Variants in TC2N observed in about 807,000 individuals in gnomAD.
The protein encoded by TC2N is tandem C2 domains nuclear protein.
A neutral mutation model predicts 61.9 loss-of-function variants in TC2N; 51 were observed. The observed-to-expected ratio is 0.82, with a 90% CI of 0.66 to 1.04. The LOEUF (loss-of-function observed/expected upper bound fraction) is 1.04. Ranked by LOEUF, TC2N falls within the 50% of genes least tolerant of loss-of-function variation. The pLI, the probability that TC2N is intolerant of heterozygous loss-of-function variation, is 0.00. For missense variants in TC2N, 556 were observed against 566.7 expected (o/e 0.98, Z 0.19); for synonymous variants, 204 against 192.6 (o/e 1.06, Z -0.49).
intron 1 of TC2N, among the ~76,000 whole-genome samples, chr14:91,815,522 T>C (rs1038262118): frequency 6.6e-6 from 1 of 151,746 alleles, no homozygotes; most frequent in African/African-American, 2.4e-5. Flanking sequence ...AATTTCCTAT[T>C]GTCCTTGGTC....
At chr14:91,799,128 T>G (rs1886082793) in intron 5 of TC2N, 64 bp from the exon 6 acceptor site, 1 of 995,204 alleles carries the variant, frequency 1.0e-6, no homozygotes, top group African/African-American at 1.7e-5. Flanking sequence ...CTGATACATA[T>G]GCCTCAATAT....
chr14:91,791,913 G>A (rs182478419), intron 9 of TC2N, among the ~76,000 whole-genome samples: 2,295 of 152,122 alleles, frequency 0.015, 54 homozygotes, highest in African/African-American at 0.05. Flanking sequence ...TCAGGAGATC[G>A]AGACCATCCT....
chr14:91,855,972 C>G (rs186886399), intron 1 of TC2N, among the ~76,000 whole-genome samples: 6 of 152,112 alleles, frequency 3.9e-5, no homozygotes, highest in African/African-American at 1.4e-4. Context: ...TCATCTAGAT[C>G]TCAAAGGCCA....
chr14:91,854,407 AG>A (rs1800108543), intron 1 of TC2N, among the ~76,000 whole-genome samples: 1 of 124,000 alleles, frequency 8.1e-6, no homozygotes, highest in Admixed American at 9.1e-5. Context: ...GAGGAGGAGG[AG>A]GAGGAGGAGG....
At position 91,783,204 on chromosome 14, in the gene TC2N, T is replaced by C. The variant is rs766550828; in HGVS notation, c.1369A>G (p.Ile457Val). 3.6e-5 allele frequency: 57 copies of C among 1,579,434 alleles called. No individual in the cohort carries two copies. The highest frequency in any genetic ancestry group is 4.8e-5 in the Non-Finnish European group (55 of 1,150,568). Residue 457 changes from isoleucine (I) to valine (V), a missense_variant, in exon 12 of 12, where the codon ATA becomes GTA. Ile to Val is a conservative substitution (Grantham distance 29, BLOSUM62 3). Coordinates refer to ENST00000435962, the MANE Select transcript of TC2N (RefSeq NM_001128596.3). ...TCAATGTTATTACTGTCTTCACTTA[T>C]CCAAATCTGTAAAGGAAAGTATGTA... ...RRKHFVGQIW[I>V]SEDSNNIEAV... is the part of the protein sequence containing the mutation.
At position 91,862,605 on chromosome 14, in the gene TC2N, G is replaced by A. The variant is rs146992114; in HGVS notation, c.-57+4657C>T. ...AGCCTCCTGCTGCTGCAGATCAAGT[G>A]TGAGGAGCACAAGGCAACTTGGCTC... On this transcript the variant is annotated intron_variant, in intron 1 of 11. Coordinates refer to ENST00000435962, the MANE Select transcript of TC2N (RefSeq NM_001128596.3). 7.6e-3 allele frequency among the ~76,000 whole-genome samples: 1,163 copies of A among 152,310 alleles called. 11 individuals carry two copies. Among genetic ancestry groups the A allele is most frequent in the African/African-American group, 0.025 (1,046 of 41,554 alleles).
chr14:91,799,127 A>G, intron 5 of TC2N, 63 bp from the exon 6 acceptor site: 1 of 993,156 alleles, frequency 1.0e-6, no homozygotes, highest in Non-Finnish European at 1.5e-6. Context: ...TCTGATACAT[A>G]TGCCTCAATA....
intron 3 of TC2N, among the ~76,000 whole-genome samples, chr14:91,806,326 T>C (rs1886506003): frequency 6.6e-6 from 1 of 152,074 alleles, no homozygotes; most frequent in Non-Finnish European, 1.5e-5. Context: ...GGAAGCAACT[T>C]TGGAACTGAG....
At chr14:91,846,172 G>A (rs1193285113) in intron 1 of TC2N, among the ~76,000 whole-genome samples, 3 of 152,062 alleles carry the variant, frequency 2.0e-5, no homozygotes. Flanking sequence ...ACCTGCATTA[G>A]GATTGGATTT....
intron 1 of TC2N, among the ~76,000 whole-genome samples, chr14:91,842,735 C>T (rs1271713643): frequency 6.6e-6 from 1 of 152,114 alleles, no homozygotes; most frequent in African/African-American, 2.4e-5. Context: ...TGAGCGTTAG[C>T]GTTGAGATAT....
intron 8 of TC2N, among the ~76,000 whole-genome samples, chr14:91,795,662 A>G (rs1374267775): frequency 6.6e-6 from 1 of 152,180 alleles, no homozygotes; most frequent in Non-Finnish European, 1.5e-5. Flanking sequence ...CAGTATAAAG[A>G]TAACTTTTGT....
chr14:91,859,645 C>T (rs1387466361), intron 1 of TC2N, among the ~76,000 whole-genome samples: 1 of 152,170 alleles, frequency 6.6e-6, no homozygotes, highest in African/African-American at 2.4e-5. Context: ...ACCACAGGGG[C>T]ACTGGTAATA....
At chr14:91,803,638 A>G (rs1886369748) in intron 3 of TC2N, among the ~76,000 whole-genome samples, 1 of 151,710 alleles carries the variant, frequency 6.6e-6, no homozygotes, top group Non-Finnish European at 1.5e-5. Context: ...TTTTTAGTAG[A>G]GATGGGGTTT....
intron 1 of TC2N, among the ~76,000 whole-genome samples, chr14:91,819,643 T>G (rs1027762334): frequency 2.6e-5 from 4 of 152,182 alleles, no homozygotes; most frequent in African/African-American, 9.7e-5. Flanking sequence ...TATAAATACA[T>G]GATTTATTAT....
chr14:91,839,654 A>G (rs1156778743), intron 1 of TC2N, among the ~76,000 whole-genome samples: 1 of 152,264 alleles, frequency 6.6e-6, no homozygotes, highest in African/African-American at 2.4e-5. Context: ...ATAATTTTAC[A>G]AATAAATGGT....
intron 1 of TC2N, among the ~76,000 whole-genome samples, chr14:91,850,736 G>T (rs182181170): frequency 4.6e-5 from 7 of 152,334 alleles, no homozygotes; most frequent in Admixed American, 4.6e-4. Flanking sequence ...TTCAAGACCA[G>T]CCTGGCCAAC....
At position 91,830,655 on chromosome 14, in the gene TC2N, C is replaced by CAA. The variant is rs35586815; in HGVS notation, c.-56-16832_-56-16831dup. ...ATAGTTGCACAGCTAAATGAATATACAAAAAAAAACCCCACTGAATTGTAC... is the reference window on the plus strand; with the variant it reads ...ATAGTTGCACAGCTAAATGAATATACAAAAAAAAAAACCCCACTGAATTGTAC... On this transcript the variant is annotated intron_variant, in intron 1 of 11. Transcript: ENST00000435962. 2.8e-3 allele frequency among the ~76,000 whole-genome samples: 426 copies of CAA among 150,452 alleles called. 2 individuals carry two copies. Among genetic ancestry groups the CAA allele is most frequent in the Admixed American group, 4.3e-3 (65 of 15,128 alleles).
intron 1 of TC2N, among the ~76,000 whole-genome samples, chr14:91,833,678 A>C (rs1469654653): frequency 1.3e-5 from 2 of 151,958 alleles, no homozygotes; most frequent in Non-Finnish European, 2.9e-5. Context: ...ATTAGTTTGC[A>C]TTTTCTAGAA....
chr14:91,826,027 T>A (rs1335810696), intron 1 of TC2N, among the ~76,000 whole-genome samples: 3 of 152,172 alleles, frequency 2.0e-5, no homozygotes, highest in Admixed American at 2.0e-4. Context: ...TAAAATCTTC[T>A]GTATCTTGGC....
Sources: gnomAD v4.1 joint callset for allele counts (sites outside exome capture counted in the v4.1 genomes callset) on GRCh38, gnomAD v4.1.1 for gene constraint, MANE v1.5 for transcripts, NCBI Gene and HGNC (gene_info 2026-07-23, HGNC 2026-07-21) for gene names.